Variants in NAALADL2 observed in about 807,000 individuals in gnomAD.
NAALADL2 encodes the protein inactive N-acetylated-alpha-linked acidic dipeptidase-like protein 2.
NAALADL2 carries 76 observed loss-of-function variants against 87.2 expected under a neutral mutation model. That is an observed-to-expected ratio of 0.87 (90% confidence interval 0.72 to 1.05). NAALADL2 has a LOEUF of 1.05. Among genes scored for constraint, NAALADL2 ranks in the 50% least tolerant of loss-of-function variants. NAALADL2 has a pLI of 0.00. For synonymous variants in NAALADL2, 354 were observed against 331.0 expected (o/e 1.07, Z -0.75); for missense variants, 1,089 against 945.8 (o/e 1.15, Z -1.99).
At position 175,131,831 on chromosome 3, in the gene NAALADL2, C is replaced by T. The variant is rs1306469000; in HGVS notation, c.545+34540C>T. 1.3e-3 allele frequency among the ~76,000 whole-genome samples: 169 copies of T among 127,102 alleles called. 3 individuals are homozygous for T. The highest frequency in any genetic ancestry group is 2.8e-3 in the Admixed American group (36 of 12,934). The allele number at this position is 127,102 out of a possible 152,430, so 83.4% of individuals were successfully genotyped here. Reference sequence around the variant, plus strand: ...TGGCCGGGCGGGGGGCTGACCCCCCCCACCTCCCTCCCGGACGGGGCGGCT... The same window carrying T: ...TGGCCGGGCGGGGGGCTGACCCCCCTCACCTCCCTCCCGGACGGGGCGGCT... On this transcript the variant is annotated intron_variant, in intron 2 of 13. Coordinates refer to ENST00000454872, the MANE Select transcript of NAALADL2 (RefSeq NM_207015.3).
rs1198976866 is a variant in NAALADL2, at chr3:174,873,217, C to G, written c.43+13767C>G. On this transcript the variant is annotated intron_variant, in intron 1 of 13. Transcript: ENST00000454872. ...TCTGTCTGTCTCTCTCTCTCTCTCT[C>G]TGTGTACATGTCTTTATTTATTTAT... Among the ~76,000 whole-genome samples the G allele has an allele frequency of 8.7e-5, 13 of 149,718 alleles. No individual in the cohort carries two copies. The East Asian group carries it at 2.0e-3, about 23-fold the overall frequency.
At chr3:175,597,975 A>G (rs534957156) in intron 10 of NAALADL2, among the ~76,000 whole-genome samples, 1 of 152,136 alleles carries the variant, frequency 6.6e-6, no homozygotes, top group East Asian at 1.9e-4. Context: ...CTACATGTGT[A>G]TATGTGTATA....
chr3:175,148,172 G>A (rs1580696114), intron 2 of NAALADL2, among the ~76,000 whole-genome samples: 1 of 150,300 alleles, frequency 6.7e-6, no homozygotes, highest in Admixed American at 6.7e-5. Flanking sequence ...CTATCTCATT[G>A]TGGTTTTGAT....
chr3:175,476,012 T>G (rs1725651613), intron 9 of NAALADL2, among the ~76,000 whole-genome samples: 1 of 152,208 alleles, frequency 6.6e-6, no homozygotes, highest in Non-Finnish European at 1.5e-5. Context: ...CATGAGCCAC[T>G]GCACCCAGCC....
chr3:175,549,506 T>C (rs954864022), intron 9 of NAALADL2, among the ~76,000 whole-genome samples: 3 of 151,972 alleles, frequency 2.0e-5, no homozygotes, highest in Non-Finnish European at 1.5e-5. Flanking sequence ...TTTGTCATCA[T>C]AGTAGTGAAC....
chr3:175,285,526 C>G (rs753852688), intron 4 of NAALADL2, among the ~76,000 whole-genome samples: 3 of 152,056 alleles, frequency 2.0e-5, no homozygotes, highest in Non-Finnish European at 2.9e-5. Context: ...CCTATTTGAC[C>G]TGATAGTGTG....
chr3:175,388,815 C>T (rs1479665561), intron 5 of NAALADL2, among the ~76,000 whole-genome samples: 2 of 152,078 alleles, frequency 1.3e-5, no homozygotes, highest in Non-Finnish European at 2.9e-5. Flanking sequence ...CCACCTCTAA[C>T]TGTCAGAACC....
intron 2 of NAALADL2, among the ~76,000 whole-genome samples, chr3:175,173,122 C>A (rs1474311293): frequency 6.6e-6 from 1 of 151,642 alleles, no homozygotes; most frequent in Non-Finnish European, 1.5e-5. Flanking sequence ...TAAACCTAGT[C>A]TCTACCCAAA....
intron 5 of NAALADL2, among the ~76,000 whole-genome samples, chr3:175,409,616 T>G (rs57992455): frequency 8.5e-4 from 129 of 151,866 alleles, no homozygotes; most frequent in Middle Eastern, 3.5e-3. Flanking sequence ...AAAACATTTT[T>G]TTTACCAATC....
intron 7 of NAALADL2, 108 bp from the exon 8 acceptor site, chr3:175,466,871 T>C (rs942659239): frequency 2.3e-6 from 2 of 882,994 alleles, no homozygotes; most frequent in African/African-American, 3.3e-5. Flanking sequence ...ATTAGAGCAA[T>C]TTTGCTTAAT....
intron 4 of NAALADL2, among the ~76,000 whole-genome samples, chr3:175,313,663 A>T (rs774041451): frequency 1.3e-5 from 2 of 152,220 alleles, no homozygotes; most frequent in Non-Finnish European, 2.9e-5. Context: ...ACTGTGAATA[A>T]GTAGACTGCC....
chr3:175,299,432 C>G (rs559611972), intron 4 of NAALADL2, among the ~76,000 whole-genome samples: 1 of 150,962 alleles, frequency 6.6e-6, no homozygotes, highest in African/African-American at 2.4e-5. Flanking sequence ...AGCATGGAAT[C>G]TTTTTTTTTC....
At chr3:175,357,320 G>T (rs6771725) in intron 5 of NAALADL2, among the ~76,000 whole-genome samples, 42,873 of 151,934 alleles carry the variant, frequency 0.28, 6,348 homozygotes, top group East Asian at 0.5. Context: ...TTGGTTACAT[G>T]TATCACAAAA....
intron 2 of NAALADL2, among the ~76,000 whole-genome samples, chr3:174,613,998 A>AG (rs779113660): frequency 2.0e-5 from 3 of 152,188 alleles, no homozygotes; most frequent in Non-Finnish European, 4.4e-5. Flanking sequence ...ATTCCTAGAA[A>AG]GGGGGTCTCA....
chr3:174,480,440 GCTA>G (rs942597877), intron 1 of NAALADL2, among the ~76,000 whole-genome samples: 15 of 152,074 alleles, frequency 9.9e-5, no homozygotes, highest in African/African-American at 3.6e-4. Context: ...GCTTCAAAAG[GCTA>G]CTCTTTCTTC....
At chr3:174,947,001 G>A (rs1187793148) in intron 1 of NAALADL2, among the ~76,000 whole-genome samples, 1 of 152,140 alleles carries the variant, frequency 6.6e-6, no homozygotes, top group Non-Finnish European at 1.5e-5. Context: ...CAAAAGTTGT[G>A]AAGCTAGAAC....
chr3:175,027,946 A>G (rs970737703), intron 1 of NAALADL2, among the ~76,000 whole-genome samples: 1 of 151,818 alleles, frequency 6.6e-6, no homozygotes, highest in African/African-American at 2.4e-5. Context: ...AACTGACCTA[A>G]AGCTATATCT....
intron 2 of NAALADL2, among the ~76,000 whole-genome samples, chr3:175,117,591 G>A (rs1177559501): frequency 6.7e-6 from 1 of 150,128 alleles, no homozygotes; most frequent in Non-Finnish European, 1.5e-5. Flanking sequence ...AGTTAGAATG[G>A]CGATCATTAA....
At chr3:174,710,230 C>CTTTT (rs57899491) in intron 2 of NAALADL2, among the ~76,000 whole-genome samples, 14 of 136,350 alleles carry the variant, frequency 1.0e-4, no homozygotes, top group Middle Eastern at 3.5e-3. Context: ...TATGAGCCTC[C>CTTTT]TTTTTTTTTT....
Sources: gnomAD v4.1 joint callset for allele counts (sites outside exome capture counted in the v4.1 genomes callset) on GRCh38, gnomAD v4.1.1 for gene constraint, MANE v1.5 for transcripts, NCBI Gene and HGNC (gene_info 2026-07-23, HGNC 2026-07-21) for gene names.